MTARC2: variants seen among roughly 807,000 people sequenced by gnomAD.
MTARC2 encodes the protein MOCO sulphurase C-terminal domain containing 2.
MTARC2 carries 27 observed loss-of-function variants against 35.6 expected under a neutral mutation model. The ratio of observed to expected loss-of-function variants is 0.76; its 90% confidence interval spans 0.56 to 1.04. MTARC2 has a LOEUF of 1.04. MTARC2 is among the 50% of genes least tolerant of loss of function. MTARC2 has a pLI of 0.00. For synonymous variants in MTARC2, 158 were observed against 167.1 expected (o/e 0.95, Z 0.42); for missense variants, 412 against 432.5 (o/e 0.95, Z 0.42).
chr1:220,756,123 C>T (rs920103874), intron 2 of MTARC2, among the ~76,000 whole-genome samples: 2 of 152,178 alleles, frequency 1.3e-5, no homozygotes, highest in Non-Finnish European at 2.9e-5. Context: ...CCTTGGCTTC[C>T]TTTTGGCCTA....
At chr1:220,783,391 G>A (rs942619874) in intron 7 of MTARC2, among the ~76,000 whole-genome samples, 1 of 152,220 alleles carries the variant, frequency 6.6e-6, no homozygotes, top group Non-Finnish European at 1.5e-5. Flanking sequence ...CATCTAGCTT[G>A]AGTGAAACTG....
intron 2 of MTARC2, among the ~76,000 whole-genome samples, chr1:220,758,968 T>G: frequency 6.6e-6 from 1 of 152,222 alleles, no homozygotes; most frequent in East Asian, 1.9e-4. Flanking sequence ...TTAATCCACC[T>G]TATCTATGAA....
intron 4 of MTARC2, among the ~76,000 whole-genome samples, chr1:220,772,302 T>A (rs910779210): frequency 7.9e-5 from 12 of 152,232 alleles, no homozygotes; most frequent in African/African-American, 2.7e-4. Context: ...CAAATTGCTT[T>A]CCAGAAACCT....
intron 4 of MTARC2, among the ~76,000 whole-genome samples, chr1:220,769,252 C>T (rs980405104): frequency 6.6e-6 from 1 of 152,230 alleles, no homozygotes; most frequent in Admixed American, 6.5e-5. Context: ...GATGCTTCTG[C>T]GAGGTTCCTT....
chr1:220,752,663 A>G (rs77139755), intron 1 of MTARC2, among the ~76,000 whole-genome samples: 3,575 of 152,214 alleles, frequency 0.023, 166 homozygotes, highest in African/African-American at 0.081. Context: ...GGTCCAGACC[A>G]CAGTGGGACC....
chr1:220,784,376 A>T lies in MTARC2; in HGVS notation c.*489A>T, dbSNP rs545991263. On this transcript the variant is annotated 3_prime_UTR_variant, in exon 8 of 8. Transcript: ENST00000366913. ...ATGTTACCACACTCACAAATGCCTA[A>T]TATTGGTCTTTATGTGGCCATTGAG... 5.9e-6 allele frequency: 1 copy of T among 170,402 alleles called. No individual in the cohort carries two copies. Among genetic ancestry groups the T allele is most frequent in the African/African-American group, 2.4e-5 (1 of 41,800 alleles). 10.6% of individuals were successfully genotyped at this position (170,402 alleles called of 1,614,324 possible).
chr1:220,768,393 T>G (rs1671642661), intron 4 of MTARC2, among the ~76,000 whole-genome samples: 1 of 152,204 alleles, frequency 6.6e-6, no homozygotes, highest in African/African-American at 2.4e-5. Flanking sequence ...AAATGTCTGA[T>G]AGCCATTGAG....
intron 4 of MTARC2, among the ~76,000 whole-genome samples, chr1:220,765,746 A>C (rs434167): frequency 0.038 from 5,805 of 152,068 alleles, 348 homozygotes; most frequent in African/African-American, 0.13. Flanking sequence ...ATGCCTGGCT[A>C]ATTTTTGTAT....
chr1:220,769,518 G>C (rs1343021538), intron 4 of MTARC2, among the ~76,000 whole-genome samples: 1 of 152,150 alleles, frequency 6.6e-6, no homozygotes, highest in Admixed American at 6.5e-5. Flanking sequence ...CTAGTGTGTA[G>C]CCAGGGGTGG....
chr1:220,776,306 G>T (rs1327767198), intron 4 of MTARC2, among the ~76,000 whole-genome samples: 3 of 152,058 alleles, frequency 2.0e-5, no homozygotes, highest in African/African-American at 4.8e-5. Context: ...TGTGCTTGTT[G>T]GTCGCGTGTA....
At chr1:220,774,557 G>A (rs777044075) in intron 4 of MTARC2, among the ~76,000 whole-genome samples, 38 of 152,176 alleles carry the variant, frequency 2.5e-4, no homozygotes, top group Non-Finnish European at 4.6e-4. Flanking sequence ...AAAGTGAGGC[G>A]CCAGTCCTGC....
chr1:220,758,709 G>A (rs11809755), intron 2 of MTARC2, among the ~76,000 whole-genome samples: 37,296 of 152,092 alleles, frequency 0.25, 5,360 homozygotes, highest in East Asian at 0.5. Context: ...ATCAGCCACC[G>A]TGCACGGCCT....
intron 2 of MTARC2, among the ~76,000 whole-genome samples, chr1:220,758,157 G>A (rs1671334161): frequency 6.6e-6 from 1 of 151,516 alleles, no homozygotes. Flanking sequence ...GCTAATTTTT[G>A]TATTTTTAGC....
intron 1 of MTARC2, chr1:220,754,432 G>A (rs762903491): frequency 3.3e-5 from 15 of 456,190 alleles, no homozygotes; most frequent in East Asian, 6.9e-5. Context: ...CGCATGCCGC[G>A]GCAAGTTAAA....
intron 2 of MTARC2, among the ~76,000 whole-genome samples, chr1:220,757,803 A>G (rs1250637548): frequency 1.3e-5 from 2 of 152,192 alleles, no homozygotes; most frequent in African/African-American, 4.8e-5. Flanking sequence ...GGGAGACACA[A>G]ACATTTAGCC....
chr1:220,778,826 T>G (rs1671989575), intron 4 of MTARC2, among the ~76,000 whole-genome samples: 1 of 152,172 alleles, frequency 6.6e-6, no homozygotes, highest in Admixed American at 6.5e-5. Flanking sequence ...AAGGAAAGTG[T>G]CATGCTTATC....
intron 4 of MTARC2, among the ~76,000 whole-genome samples, chr1:220,776,273 C>T (rs1671909442): frequency 6.6e-6 from 1 of 152,066 alleles, no homozygotes; most frequent in Non-Finnish European, 1.5e-5. Context: ...CCCTAGTGAT[C>T]AGTGATATTG....
chr1:220,774,836 A>G (rs1156830133), intron 4 of MTARC2, among the ~76,000 whole-genome samples: 1 of 151,798 alleles, frequency 6.6e-6, no homozygotes, highest in African/African-American at 2.4e-5. Context: ...CTCTCTGGCT[A>G]TACATAGAGA....
At chr1:220,760,635 G>A (rs927744503) in intron 2 of MTARC2, among the ~76,000 whole-genome samples, 4 of 152,092 alleles carry the variant, frequency 2.6e-5, no homozygotes, top group Non-Finnish European at 5.9e-5. Context: ...AAAATATATA[G>A]CATATCTATT....
Sources: gnomAD v4.1 joint callset for allele counts (sites outside exome capture counted in the v4.1 genomes callset) on GRCh38, gnomAD v4.1.1 for gene constraint, MANE v1.5 for transcripts, NCBI Gene and HGNC (gene_info 2026-07-23, HGNC 2026-07-21) for gene names.